The following PARP8 variants were observed in gnomAD, a reference collection of about 807,000 sequenced individuals.
The protein encoded by PARP8 is poly(ADP-ribose) polymerase family member 8, also known as protein mono-ADP-ribosyltransferase PARP8.
PARP8 carries 51 observed loss-of-function variants against 124.1 expected under a neutral mutation model. That is an observed-to-expected ratio of 0.41 (90% CI 0.33 to 0.52). The LOEUF is 0.52. Ranked by LOEUF, PARP8 falls within the 20% of genes least tolerant of loss-of-function variation. The pLI, the probability that PARP8 is intolerant of heterozygous loss-of-function variation, is 0.21. For missense variants in PARP8, 860 were observed against 1,018.9 expected (o/e 0.84, Z 2.12); for synonymous variants, 391 against 361.5 (o/e 1.08, Z -0.93).
At chr5:50,669,313 A>C (rs1392739451) in intron 2 of PARP8, 1 of 152,152 alleles carries the variant, frequency 6.6e-6, no homozygotes. Flanking sequence ...ATGAGAGGAG[A>C]CTTGGTTGAT....
intron 3 of PARP8, 78 bp downstream of exon 3, chr5:50,750,266 G>C (rs568371123): frequency 3.3e-6 from 4 of 1,207,372 alleles, no homozygotes; most frequent in Middle Eastern, 2.6e-4. Context: ...GATGTAAAAC[G>C]CATATAAATA....
chr5:50,781,341 T>C (rs1278650328), intron 9 of PARP8, among the ~76,000 whole-genome samples: 2 of 152,232 alleles, frequency 1.3e-5, no homozygotes, highest in East Asian at 3.8e-4. Context: ...TCAGTAATTG[T>C]CAAAGATTTA....
At position 50,809,969 on chromosome 5, in the gene PARP8, G is replaced by A. The variant is rs1446654627; in HGVS notation, c.1576-5463G>A. ...CATAAATTTCTTAAAATACAATTAG[G>A]TTCTAAAATATTCTTCAGGGCTTAA... On this transcript the variant is annotated intron_variant, in intron 14 of 25. Transcript: ENST00000281631. Among the ~76,000 whole-genome samples the A allele has an allele frequency of 2.0e-5, 3 of 151,922 alleles. No individual in the cohort carries two copies. The East Asian group carries it at 5.8e-4, about 29-fold the overall frequency.
At chr5:50,680,529 G>T (rs779682407) in intron 2 of PARP8, among the ~76,000 whole-genome samples, 2 of 152,090 alleles carry the variant, frequency 1.3e-5, no homozygotes, top group African/African-American at 2.4e-5. Context: ...GTTAAAATCT[G>T]CAGGAAATCT....
intron 3 of PARP8, among the ~76,000 whole-genome samples, chr5:50,750,532 C>T (rs181909326): frequency 6.6e-5 from 10 of 152,052 alleles, no homozygotes; most frequent in Non-Finnish European, 1.3e-4. Context: ...TAATAGGTAA[C>T]ATTTATTTGT....
chr5:50,836,832 T>A (rs535766749), intron 25 of PARP8, among the ~76,000 whole-genome samples: 1 of 152,280 alleles, frequency 6.6e-6, no homozygotes, highest in Admixed American at 6.5e-5. Context: ...AAGCTTTCAG[T>A]CACCAAGTTA....
intron 2 of PARP8, among the ~76,000 whole-genome samples, chr5:50,697,808 A>C (rs1014520020): frequency 1.3e-5 from 2 of 152,186 alleles, no homozygotes; most frequent in South Asian, 4.1e-4. Flanking sequence ...ATTCAAAGCT[A>C]TATCTTTTAA....
chr5:50,739,732 ATTT>A lies in PARP8; in HGVS notation c.147-10400_147-10398del, dbSNP rs1230937798. On this transcript the variant is annotated intron_variant, in intron 2 of 25. Coordinates refer to ENST00000281631, the MANE Select transcript of PARP8 (RefSeq NM_024615.4). The stretch of plus-strand genomic sequence containing the variant: ...TACATATATATATATATATATATAT[ATTT>A]TTTTTTTTTTTTTTTTTTGAGACGG... 3.8e-3 allele frequency among the ~76,000 whole-genome samples: 167 copies of A among 44,158 alleles called. 2 individuals carry two copies. Among genetic ancestry groups the A allele is most frequent in the African/African-American group, 0.012 (158 of 12,890 alleles). 29.0% of individuals were successfully genotyped at this position (44,158 alleles called of 152,430 possible).
intron 25 of PARP8, among the ~76,000 whole-genome samples, chr5:50,837,513 A>G (rs947790155): frequency 3.9e-5 from 6 of 152,116 alleles, no homozygotes; most frequent in Non-Finnish European, 7.4e-5. Flanking sequence ...ACATTATGTG[A>G]TCCTGGATGT....
At chr5:50,750,715 A>C (rs575352939) in intron 3 of PARP8, among the ~76,000 whole-genome samples, 1 of 152,116 alleles carries the variant, frequency 6.6e-6, no homozygotes, top group African/African-American at 2.4e-5. Context: ...AGATCGTTAC[A>C]TTTGAAAATA....
chr5:50,796,761 T>C (rs1742597030), intron 12 of PARP8, among the ~76,000 whole-genome samples: 1 of 152,202 alleles, frequency 6.6e-6, no homozygotes, highest in Admixed American at 6.5e-5. Context: ...AGAGTGCTGT[T>C]CATTTACTGT....
intron 2 of PARP8, among the ~76,000 whole-genome samples, chr5:50,711,048 A>G (rs1754718973): frequency 6.6e-6 from 1 of 152,110 alleles, no homozygotes. Context: ...GTGTTTAACT[A>G]CCTTGTGGTG....
At chr5:50,691,393 G>A (rs542703415) in intron 2 of PARP8, among the ~76,000 whole-genome samples, 2 of 152,280 alleles carry the variant, frequency 1.3e-5, no homozygotes, top group East Asian at 3.9e-4. Context: ...TCCTTAGACG[G>A]GGTTAATCAT....
intron 14 of PARP8, among the ~76,000 whole-genome samples, chr5:50,801,101 G>A (rs757833130): frequency 4.4e-4 from 66 of 151,266 alleles, no homozygotes; most frequent in Non-Finnish European, 8.7e-4. Context: ...TTAGTTATAG[G>A]GCTATCCAAA....
At chr5:50,771,118 C>T (rs554201847) in intron 7 of PARP8, among the ~76,000 whole-genome samples, 5 of 149,958 alleles carry the variant, frequency 3.3e-5, no homozygotes, top group South Asian at 2.1e-4. Flanking sequence ...TATATATATA[C>T]ACACACACAT....
At chr5:50,741,939 G>A (rs1277640422) in intron 2 of PARP8, 3 of 409,840 alleles carry the variant, frequency 7.3e-6, no homozygotes, top group South Asian at 5.2e-5. Context: ...CCTTCTACTA[G>A]CTGGCATTAC....
intron 2 of PARP8, among the ~76,000 whole-genome samples, chr5:50,749,824 A>T (rs1759031598): frequency 6.6e-6 from 1 of 152,144 alleles, no homozygotes; most frequent in African/African-American, 2.4e-5. Context: ...AATCTGAGCA[A>T]AGAAAACAAA....
chr5:50,666,918 T>C lies in PARP8; in HGVS notation c.-178T>C, dbSNP rs1579868695. The C allele has an allele frequency of 3.2e-6, 4 of 1,260,170 alleles. No individual in the cohort carries two copies. Among genetic ancestry groups the C allele is most frequent in the South Asian group, 1.5e-5 (1 of 65,840 alleles). The allele number at this position is 1,260,170 out of a possible 1,614,324, so 78.1% of individuals were successfully genotyped here. A position where few individuals can be genotyped will look rare whatever the true frequency, so the allele number is the denominator to read the frequency against. ...GCCGACCTCCCCCTCCTCCTCCTCC[T>C]CCCCCTCCTCCTCCTCCTCTTCTCT... On this transcript the variant is annotated 5_prime_UTR_variant, in exon 1 of 26. Coordinates refer to ENST00000281631, the MANE Select transcript of PARP8 (RefSeq NM_024615.4).
chr5:50,775,872 T>C (rs12654246), intron 7 of PARP8, among the ~76,000 whole-genome samples: 7,952 of 152,274 alleles, frequency 0.052, 297 homozygotes, highest in South Asian at 0.19. Context: ...CTTTTTTAAT[T>C]GGATATCCTT....
Sources: allele counts gnomAD v4.1 joint callset (sites outside exome capture counted in the v4.1 genomes callset), GRCh38; gene constraint gnomAD v4.1.1; transcripts MANE v1.5; gene names NCBI Gene and HGNC (gene_info 2026-07-23, HGNC 2026-07-21).